Variants in DHRSX observed in about 807,000 individuals in gnomAD.
DHRSX encodes the protein dehydrogenase/reductase X-linked, also known as polyprenol dehydrogenase.
Under a neutral mutation model 34.0 loss-of-function variants are expected in DHRSX, and 31 were observed. The observed-to-expected ratio is 0.91, with a 90% CI of 0.69 to 1.23. The LOEUF (loss-of-function observed/expected upper bound fraction) is 1.23. DHRSX is among the 50% of genes most tolerant of loss of function. The pLI, the probability that DHRSX is intolerant of heterozygous loss-of-function variation, is 0.00. For missense variants in DHRSX, 414 were observed against 428.1 expected (o/e 0.97, Z 0.29); for synonymous variants, 201 against 183.8 (o/e 1.09, Z -0.76).
intron 1 of DHRSX, among the ~76,000 whole-genome samples, chrX:2,468,900 C>T (rs896115091): frequency 4.0e-5 from 6 of 151,678 alleles, no homozygotes; most frequent in Non-Finnish European, 8.8e-5. Context: ...AGCAATAAGG[C>T]CAAGTGACCG....
At chrX:2,258,952 GTGTAAGTTGAAT>G (rs2041316936) in intron 5 of DHRSX, among the ~76,000 whole-genome samples, 1 of 152,170 alleles carries the variant, frequency 6.6e-6, no homozygotes, top group African/African-American at 2.4e-5. Context: ...AAGAAAAGCA[GTGTAAGTTGAAT>G]TGTAAGTCTC....
chrX:2,479,841 C>T (rs957374463), intron 1 of DHRSX, among the ~76,000 whole-genome samples: 2 of 151,936 alleles, frequency 1.3e-5, no homozygotes, highest in African/African-American at 4.8e-5. Flanking sequence ...AAGACATTCC[C>T]TAAGAATGTG....
At chrX:2,231,880 T>C (rs2015896019) in intron 6 of DHRSX, among the ~76,000 whole-genome samples, 1 of 147,918 alleles carries the variant, frequency 6.8e-6, no homozygotes, top group Non-Finnish European at 1.5e-5. Context: ...CTTCTCCAAC[T>C]TCTTCCTCCT....
At chrX:2,271,506 TCC>T (rs1323776982) in intron 4 of DHRSX, among the ~76,000 whole-genome samples, 2 of 152,156 alleles carry the variant, frequency 1.3e-5, no homozygotes, top group African/African-American at 4.8e-5. Flanking sequence ...TGCTTCCCCC[TCC>T]TACGTGAATA....
chrX:2,344,872 CATATATATATATATATAT>C (rs775259345), intron 3 of DHRSX, among the ~76,000 whole-genome samples: 1,846 of 98,358 alleles, frequency 0.019, 71 homozygotes, highest in East Asian at 0.076. Flanking sequence ...TAAAAAGAAG[CATATATATATATATATAT>C]ATATATATAT....
At chrX:2,294,198 A>G in intron 3 of DHRSX, among the ~76,000 whole-genome samples, 1 of 152,174 alleles carries the variant, frequency 6.6e-6, no homozygotes, top group Non-Finnish European at 1.5e-5. Flanking sequence ...AGAAAGAGAG[A>G]GAGGGACGGG....
intron 3 of DHRSX, among the ~76,000 whole-genome samples, chrX:2,294,760 C>G: frequency 7.3e-6 from 1 of 137,720 alleles, no homozygotes. Flanking sequence ...AAGAGAGAGA[C>G]AGAGAAAGAG....
intron 3 of DHRSX, among the ~76,000 whole-genome samples, chrX:2,339,284 T>C (rs770982187): frequency 1.3e-5 from 2 of 151,820 alleles, no homozygotes; most frequent in East Asian, 1.9e-4. Flanking sequence ...TACAGGTGTG[T>C]GCCACCAGGC....
At chrX:2,243,788 G>GTTTTTTTTTTTTTTTTTTTTT (rs778957532) in intron 5 of DHRSX, among the ~76,000 whole-genome samples, 14 of 25,152 alleles carry the variant, frequency 5.6e-4, no homozygotes, top group East Asian at 1.9e-3. Context: ...TATGCTCCCT[G>GTTTTTTTTTTTTTTTTTTTTT]TTTTTTTTTT....
chrX:2,319,450 G>C (rs2042280504), intron 3 of DHRSX, among the ~76,000 whole-genome samples: 1 of 148,224 alleles, frequency 6.7e-6, no homozygotes, highest in Non-Finnish European at 1.5e-5. Context: ...GGCTGAGGCA[G>C]AAGAAGTGCT....
At chrX:2,398,568 T>G (rs1299206547) in intron 3 of DHRSX, among the ~76,000 whole-genome samples, 2 of 152,036 alleles carry the variant, frequency 1.3e-5, no homozygotes, top group Non-Finnish European at 2.9e-5. Flanking sequence ...TATTCTTAAG[T>G]ATTTAAAGGC....
chrX:2,341,628 G>A (rs960203954), intron 3 of DHRSX, among the ~76,000 whole-genome samples: 4 of 139,064 alleles, frequency 2.9e-5, no homozygotes, highest in Non-Finnish European at 6.1e-5. Context: ...AAAATCACAT[G>A]TACAGATTCA....
intron 4 of DHRSX, among the ~76,000 whole-genome samples, chrX:2,273,403 G>A (rs936629684): frequency 1.3e-5 from 2 of 152,134 alleles, no homozygotes; most frequent in Non-Finnish European, 2.9e-5. Context: ...CAGTAACTTG[G>A]ATAGAACTGG....
At chrX:2,288,856 T>G (rs945197348) in intron 4 of DHRSX, among the ~76,000 whole-genome samples, 1 of 152,224 alleles carries the variant, frequency 6.6e-6, no homozygotes, top group African/African-American at 2.4e-5. Flanking sequence ...AGAATATTTT[T>G]GTTTGTTTCT....
chrX:2,296,514 C>A (rs2041933718), intron 3 of DHRSX, among the ~76,000 whole-genome samples: 1 of 145,982 alleles, frequency 6.9e-6, no homozygotes, highest in Non-Finnish European at 1.5e-5. Context: ...CAGATAGACC[C>A]AGGCAGACAG....
intron 1 of DHRSX, among the ~76,000 whole-genome samples, chrX:2,432,938 C>G (rs1455788307): frequency 2.0e-5 from 3 of 152,004 alleles, no homozygotes; most frequent in African/African-American, 7.2e-5. Context: ...GCCTGGGAAA[C>G]AGAGAGAGGC....
At chrX:2,430,181 G>A (rs781105698) in intron 1 of DHRSX, among the ~76,000 whole-genome samples, 28 of 147,988 alleles carry the variant, frequency 1.9e-4, no homozygotes, top group Non-Finnish European at 3.1e-4. Flanking sequence ...TGCCCGTGGG[G>A]TCTTCCCTGA....
intron 3 of DHRSX, among the ~76,000 whole-genome samples, chrX:2,297,914 C>T (rs1290710603): frequency 1.3e-5 from 2 of 152,102 alleles, no homozygotes; most frequent in Admixed American, 1.3e-4. Context: ...CGCCACCACG[C>T]CCGGCTTATT....
chrX:2,444,813 G>T (rs1320576861), intron 1 of DHRSX, among the ~76,000 whole-genome samples: 3 of 151,096 alleles, frequency 2.0e-5, no homozygotes, highest in Non-Finnish European at 4.4e-5. Flanking sequence ...CTAGCCTGTG[G>T]GACACAGCAA....
Sources: allele counts gnomAD v4.1 joint callset (sites outside exome capture counted in the v4.1 genomes callset), GRCh38; gene constraint gnomAD v4.1.1; transcripts MANE v1.5; gene names NCBI Gene and HGNC (gene_info 2026-07-23, HGNC 2026-07-21).